TAFA4: variants seen among roughly 807,000 people sequenced by gnomAD.
TAFA4 encodes chemokine-like protein TAFA-4.
A neutral mutation model predicts 21.1 loss-of-function variants in TAFA4; 20 were observed. The observed-to-expected ratio is 0.95, with a 90% CI of 0.67 to 1.38. The LOEUF (loss-of-function observed/expected upper bound fraction) is 1.38, where lower values mean the gene tolerates loss of function less well. Among genes scored for constraint, TAFA4 ranks in the 40% most tolerant of loss-of-function variants. TAFA4 has a pLI of 0.00. For synonymous variants in TAFA4, 71 were observed against 67.4 expected (o/e 1.05, Z -0.26); for missense variants, 211 against 180.9 (o/e 1.17, Z -0.95).
intron 3 of TAFA4, among the ~76,000 whole-genome samples, chr3:68,856,840 A>G (rs1454738686): frequency 6.6e-6 from 1 of 152,122 alleles, no homozygotes; most frequent in Non-Finnish European, 1.5e-5. Flanking sequence ...ATGGAGGGGA[A>G]GGATAAAGCT....
intron 3 of TAFA4, among the ~76,000 whole-genome samples, chr3:68,823,944 T>C (rs1345196907): frequency 1.3e-5 from 2 of 152,218 alleles, no homozygotes; most frequent in African/African-American, 4.8e-5. Flanking sequence ...ATAATTGGTC[T>C]CTTCTGTCCT....
intron 3 of TAFA4, among the ~76,000 whole-genome samples, chr3:68,772,815 C>G (rs570217875): frequency 1.3e-5 from 2 of 152,106 alleles, no homozygotes; most frequent in African/African-American, 2.4e-5. Flanking sequence ...TGAGCCAGTT[C>G]CCCTAATAAT....
intron 3 of TAFA4, among the ~76,000 whole-genome samples, chr3:68,762,050 CT>C (rs1702765406): frequency 6.6e-6 from 1 of 151,066 alleles, no homozygotes; most frequent in Admixed American, 6.6e-5. Context: ...AGAAATCTGG[CT>C]TTAGGAAAGA....
intron 1 of TAFA4, among the ~76,000 whole-genome samples, chr3:68,890,743 G>C (rs952846369): frequency 1.3e-5 from 2 of 152,152 alleles, no homozygotes; most frequent in Non-Finnish European, 2.9e-5. Context: ...AAAAATACCA[G>C]TCCCTTTTCA....
chr3:68,732,998 T>C lies in TAFA4; in HGVS notation c.*144A>G. The C allele has an allele frequency of 9.8e-7, 1 of 1,025,418 alleles. No homozygotes were observed. Among genetic ancestry groups the C allele is most frequent in the Non-Finnish European group, 1.4e-6 (1 of 700,194 alleles). The allele number at this position is 1,025,418 out of a possible 1,614,324, so 63.5% of individuals were successfully genotyped here. A position where few individuals can be genotyped will look rare whatever the true frequency, so the allele number is the denominator to read the frequency against. ...GAGAGGGCTGGGCCAGTTAAGTGAA[T>C]GCCACCTCTCACAGCTCACATATAC... On this transcript the variant is annotated 3_prime_UTR_variant, in exon 6 of 6. Transcript: ENST00000295569.
intron 3 of TAFA4, among the ~76,000 whole-genome samples, chr3:68,818,357 A>C (rs936258432): frequency 6.6e-6 from 1 of 152,202 alleles, no homozygotes. Flanking sequence ...AACTTTCTCC[A>C]TATCTTCAAT....
chr3:68,863,011 A>G (rs2089367354), intron 3 of TAFA4, among the ~76,000 whole-genome samples: 1 of 151,656 alleles, frequency 6.6e-6, no homozygotes, highest in African/African-American at 2.4e-5. Flanking sequence ...AGGCTGACCA[A>G]TCGCTTGAGA....
At chr3:68,882,734 T>C (rs1238417390) in intron 2 of TAFA4, among the ~76,000 whole-genome samples, 3 of 152,234 alleles carry the variant, frequency 2.0e-5, no homozygotes, top group Admixed American at 1.3e-4. Context: ...AATTATGTGA[T>C]TGATAATAGC....
intron 3 of TAFA4, among the ~76,000 whole-genome samples, chr3:68,804,558 CA>C: frequency 6.6e-6 from 1 of 152,302 alleles, no homozygotes; most frequent in East Asian, 1.9e-4. Context: ...AACTATACTA[CA>C]AGGCTATAGT....
At chr3:68,795,001 TACACACACACACACAC>T (rs3048125) in intron 3 of TAFA4, among the ~76,000 whole-genome samples, 1 of 143,980 alleles carries the variant, frequency 6.9e-6, no homozygotes, top group Non-Finnish European at 1.5e-5. Flanking sequence ...TGTGTCTCAA[TACACACACACACACAC>T]ACACACACAC....
intron 3 of TAFA4, among the ~76,000 whole-genome samples, chr3:68,783,265 G>A (rs1703183607): frequency 1.3e-5 from 2 of 152,122 alleles, no homozygotes; most frequent in Admixed American, 1.3e-4. Context: ...TTGAACTAGA[G>A]GTCCTAGCCA....
At chr3:68,815,768 A>G (rs898163785) in intron 3 of TAFA4, among the ~76,000 whole-genome samples, 13 of 152,250 alleles carry the variant, frequency 8.5e-5, no homozygotes, top group African/African-American at 2.2e-4. Flanking sequence ...ATTCCTCAAG[A>G]ATCTAGAACT....
intron 3 of TAFA4, among the ~76,000 whole-genome samples, chr3:68,872,712 A>G (rs1226745761): frequency 6.6e-6 from 1 of 152,176 alleles, no homozygotes; most frequent in East Asian, 1.9e-4. Context: ...AAGAAAATGC[A>G]TTAAATTCCA....
chr3:68,819,621 G>A (rs1037797510), intron 3 of TAFA4, among the ~76,000 whole-genome samples: 2 of 152,100 alleles, frequency 1.3e-5, no homozygotes, highest in African/African-American at 4.8e-5. Flanking sequence ...AAACCTATAA[G>A]CCTGATTTTT....
intron 3 of TAFA4, among the ~76,000 whole-genome samples, chr3:68,764,307 A>G (rs556841321): frequency 6.6e-6 from 1 of 152,208 alleles, no homozygotes; most frequent in Non-Finnish European, 1.5e-5. Flanking sequence ...GAGAGCCCCC[A>G]CCAGAAACTG....
At chr3:68,734,173 T>A (rs531036206) in intron 5 of TAFA4, among the ~76,000 whole-genome samples, 5 of 152,334 alleles carry the variant, frequency 3.3e-5, no homozygotes, top group East Asian at 1.9e-4. Flanking sequence ...TGGTAAAATC[T>A]GAATTTCATA....
intron 3 of TAFA4, among the ~76,000 whole-genome samples, chr3:68,773,838 C>A (rs556118998): frequency 6.6e-6 from 1 of 152,004 alleles, no homozygotes; most frequent in Non-Finnish European, 1.5e-5. Flanking sequence ...ATGAGAAGGA[C>A]AGGGAAACAA....
At chr3:68,872,211 T>C (rs542287094) in intron 3 of TAFA4, among the ~76,000 whole-genome samples, 43 of 152,258 alleles carry the variant, frequency 2.8e-4, no homozygotes, top group South Asian at 1.9e-3. Context: ...TATAATGGAA[T>C]ATTATTCAGT....
chr3:68,813,867 A>C (rs1219515690), intron 3 of TAFA4, among the ~76,000 whole-genome samples: 5 of 152,206 alleles, frequency 3.3e-5, no homozygotes, highest in Admixed American at 6.5e-5. Context: ...CAACAAAAAA[A>C]GAGAATTTTA....
Sources: allele counts gnomAD v4.1 joint callset (sites outside exome capture counted in the v4.1 genomes callset), GRCh38; gene constraint gnomAD v4.1.1; transcripts MANE v1.5; gene names NCBI Gene and HGNC (gene_info 2026-07-23, HGNC 2026-07-21).